The following DACH2 variants were observed in gnomAD, a reference collection of about 807,000 sequenced individuals.
DACH2 encodes the protein dachshund homolog 2.
In DACH2, 17 loss-of-function variants were observed where a neutral mutation model predicts 35.8. That is an observed-to-expected ratio of 0.48 (90% CI 0.33 to 0.71). The LOEUF (loss-of-function observed/expected upper bound fraction) is 0.71, where lower values mean the gene tolerates loss of function less well. Ranked by LOEUF, DACH2 falls within the 30% of genes least tolerant of loss-of-function variation. The probability of loss-of-function intolerance (pLI) is 0.02; values close to 1 mark genes in which losing one functional copy is unlikely to be tolerated. For missense variants in DACH2, 469 were observed against 472.7 expected (o/e 0.99, Z 0.07); for synonymous variants, 195 against 177.3 (o/e 1.10, Z -0.79).
chrX:86,286,188 C>T (rs1303202775), intron 1 of DACH2, among the ~76,000 whole-genome samples: 5 of 78,258 alleles, frequency 6.4e-5, no homozygotes, highest in Admixed American at 2.0e-4. Flanking sequence ...ACTGCAGTGG[C>T]GCAATCTCGG....
At chrX:86,421,153 AT>A (rs2036796108) in intron 2 of DACH2, among the ~76,000 whole-genome samples, 1 of 111,878 alleles carries the variant, frequency 8.9e-6, no homozygotes, top group Non-Finnish European at 1.9e-5. Context: ...TAAATTATAA[AT>A]GTAAGCTTTA....
chrX:86,494,705 C>A (rs2038141887), intron 2 of DACH2, among the ~76,000 whole-genome samples: 1 of 112,360 alleles, frequency 8.9e-6, no homozygotes, highest in Non-Finnish European at 1.9e-5. Flanking sequence ...ACAAGTGGTA[C>A]CTTAATCTTC....
chrX:86,274,451 C>CTTT (rs1160584218), intron 1 of DACH2, among the ~76,000 whole-genome samples: 44 of 31,292 alleles, frequency 1.4e-3, no homozygotes, highest in South Asian at 2.3e-3. Flanking sequence ...ACATTAAATC[C>CTTT]TTTTTTTTTT....
At chrX:86,789,413 G>A (rs1220946432) in intron 7 of DACH2, among the ~76,000 whole-genome samples, 1 of 111,918 alleles carries the variant, frequency 8.9e-6, no homozygotes, top group Non-Finnish European at 1.9e-5. Context: ...TAACTTTTAG[G>A]TTGCAACAAC....
intron 7 of DACH2, among the ~76,000 whole-genome samples, chrX:86,742,035 A>G (rs2041662141): frequency 9.0e-6 from 1 of 111,060 alleles, no homozygotes; most frequent in East Asian, 2.8e-4. Context: ...GACAACTTAC[A>G]CTTAGAAGTA....
intron 2 of DACH2, among the ~76,000 whole-genome samples, chrX:86,450,743 A>C (rs1161853220): frequency 3.8e-5 from 4 of 105,709 alleles, no homozygotes; most frequent in Non-Finnish European, 7.7e-5. Context: ...TTTTTTTTTC[A>C]CTTTTTAATA....
rs56293403 is a variant in DACH2, at chrX:86,707,912, T to TAAAAAAAAAAAAAA, written c.932-6631_932-6618dup. Among the ~76,000 whole-genome samples, 42 of 34,556 alleles carry TAAAAAAAAAAAAAA rather than the reference T, an allele frequency of 1.2e-3. 9 individuals are homozygous for TAAAAAAAAAAAAAA. Among genetic ancestry groups the TAAAAAAAAAAAAAA allele is most frequent in the African/African-American group, 5.1e-3 (27 of 5,251 alleles). The allele number at this position is 34,556 out of a possible 115,157, so 30.0% of individuals were successfully genotyped here. A position where few individuals can be genotyped will look rare whatever the true frequency, so the allele number is the denominator to read the frequency against. On this transcript the variant is annotated intron_variant, in intron 5 of 11. Coordinates refer to ENST00000373125, the MANE Select transcript of DACH2 (RefSeq NM_053281.3). Reference sequence around the variant, plus strand: ...CCTGGTGACAGAGTAAGACTCCATCTAAAAAAAAAAAAAAAAAATTACACA... The same window carrying TAAAAAAAAAAAAAA: ...CCTGGTGACAGAGTAAGACTCCATCTAAAAAAAAAAAAAAAAAAAAAAAAAAAAAAAATTACACA...
intron 2 of DACH2, among the ~76,000 whole-genome samples, chrX:86,457,189 A>T (rs766454410): frequency 8.9e-6 from 1 of 111,876 alleles, no homozygotes; most frequent in South Asian, 3.7e-4. Flanking sequence ...TATGAAAAAA[A>T]GTAGAAGCAG....
intron 6 of DACH2, among the ~76,000 whole-genome samples, chrX:86,721,047 C>G (rs1261867674): frequency 8.9e-6 from 1 of 112,327 alleles, no homozygotes; most frequent in Non-Finnish European, 1.9e-5. Context: ...ACGAAGGGCA[C>G]CAAGTCCCTA....
intron 1 of DACH2, among the ~76,000 whole-genome samples, chrX:86,330,574 G>A (rs1267461821): frequency 9.0e-6 from 1 of 111,390 alleles, no homozygotes; most frequent in African/African-American, 3.3e-5. Flanking sequence ...AGTCAGTGAT[G>A]TGTTATGAAA....
rs1397243911 is a variant in DACH2 at position 86,525,943 on chromosome X, C to G, written c.640+11552C>G. 2.7e-5 allele frequency among the ~76,000 whole-genome samples: 3 copies of G among 112,055 alleles called. No individual in the cohort carries two copies. The East Asian group carries it at 8.4e-4, about 31-fold the overall frequency. Reference sequence around the variant, plus strand: ...ATGAAATAAAATACACAAGTTTTCACCTACTACTTGTGTTACTCTTTCATT... The same window carrying G: ...ATGAAATAAAATACACAAGTTTTCAGCTACTACTTGTGTTACTCTTTCATT... On this transcript the variant is annotated intron_variant, in intron 3 of 11. Coordinates refer to ENST00000373125, the MANE Select transcript of DACH2 (RefSeq NM_053281.3).
At chrX:86,585,750 T>C (rs1169202471) in intron 3 of DACH2, among the ~76,000 whole-genome samples, 2 of 111,540 alleles carry the variant, frequency 1.8e-5, no homozygotes, top group East Asian at 5.6e-4. Flanking sequence ...ATCTTGTTCT[T>C]TTTTATGTCT....
chrX:86,160,939 A>C, intron 1 of DACH2: 4 of 747,917 alleles, frequency 5.3e-6, no homozygotes, highest in Non-Finnish European at 8.4e-6. Flanking sequence ...GTTGGACCAG[A>C]TGGTGGTAGG....
chrX:86,496,194 G>C (rs908621268), intron 2 of DACH2, among the ~76,000 whole-genome samples: 1 of 111,175 alleles, frequency 9.0e-6, no homozygotes, highest in African/African-American at 3.3e-5. Context: ...GAAGTGAAAC[G>C]TTTATCTAAA....
At chrX:86,172,344 A>G (rs2031152609) in intron 1 of DACH2, among the ~76,000 whole-genome samples, 1 of 111,757 alleles carries the variant, frequency 8.9e-6, no homozygotes, top group African/African-American at 3.3e-5. Flanking sequence ...TTTTTACTCA[A>G]TGTTAAATCA....
chrX:86,292,217 G>T (rs1461505803), intron 1 of DACH2, among the ~76,000 whole-genome samples: 5 of 91,794 alleles, frequency 5.4e-5, no homozygotes, highest in African/African-American at 1.3e-4. Context: ...TTGCGTAGAG[G>T]TGTTTGTAGT....
chrX:86,572,204 G>A (rs1049662811), intron 3 of DACH2, among the ~76,000 whole-genome samples: 2 of 110,472 alleles, frequency 1.8e-5, no homozygotes, highest in Non-Finnish European at 3.8e-5. Context: ...TAACAAACCT[G>A]CACGTTGTGC....
intron 4 of DACH2, among the ~76,000 whole-genome samples, chrX:86,656,889 A>ATATATG: frequency 1.0e-5 from 1 of 98,770 alleles, no homozygotes; most frequent in East Asian, 3.2e-4. Context: ...ATATATATAT[A>ATATATG]TAGTGAAGTA....
chrX:86,553,999 T>A (rs2039084636), intron 3 of DACH2, among the ~76,000 whole-genome samples: 1 of 111,266 alleles, frequency 9.0e-6, no homozygotes, highest in Non-Finnish European at 1.9e-5. Context: ...TTACAGCAAG[T>A]TTCTTGTGTG....
Sources: allele counts gnomAD v4.1 joint callset (sites outside exome capture counted in the v4.1 genomes callset), GRCh38; gene constraint gnomAD v4.1.1; transcripts MANE v1.5; gene names NCBI Gene and HGNC (gene_info 2026-07-23, HGNC 2026-07-21).